The following SNX25 variants were observed in gnomAD, a reference collection of about 807,000 sequenced individuals.
SNX25 encodes sorting nexin 25.
SNX25 carries 62 observed loss-of-function variants against 113.7 expected under a neutral mutation model. The ratio of observed to expected loss-of-function variants is 0.55; its 90% CI spans 0.44 to 0.67. SNX25 has a LOEUF of 0.67. SNX25 is among the 30% of genes least tolerant of loss of function. The probability of loss-of-function intolerance (pLI) is 0.00; values close to 1 mark genes in which losing one functional copy is unlikely to be tolerated. For missense variants in SNX25, 1,014 were observed against 1,161.0 expected, an observed-to-expected ratio of 0.87 and a Z score of 1.84; for synonymous variants, 421 against 436.2, an observed-to-expected ratio of 0.97 and a Z score of 0.43.
At chr4:185,362,576 C>A in intron 17 of SNX25, 35 bp from the exon 18 acceptor site, 1 of 1,588,738 alleles carries the variant, frequency 6.3e-7, no homozygotes, top group South Asian at 1.1e-5. Flanking sequence ...AGCACTTTAT[C>A]AATAGCAGCA....
intron 1 of SNX25, among the ~76,000 whole-genome samples, chr4:185,239,015 C>G (rs931292626): frequency 1.3e-5 from 2 of 152,132 alleles, no homozygotes; most frequent in African/African-American, 4.8e-5. Flanking sequence ...CCTGGCTTCT[C>G]TCTAGATGTT....
intron 1 of SNX25, among the ~76,000 whole-genome samples, chr4:185,212,026 T>G (rs1289886777): frequency 6.6e-6 from 1 of 152,174 alleles, no homozygotes; most frequent in Non-Finnish European, 1.5e-5. Context: ...TGTATAAATC[T>G]CTCATGAATA....
At chr4:185,297,100 T>A (rs1347676418) in intron 6 of SNX25, among the ~76,000 whole-genome samples, 1 of 152,204 alleles carries the variant, frequency 6.6e-6, no homozygotes, top group Non-Finnish European at 1.5e-5. Context: ...TTTTAAATGT[T>A]GGAGTTCTTC....
chr4:185,330,000 G>A (rs1579812308), intron 9 of SNX25, among the ~76,000 whole-genome samples: 1 of 152,066 alleles, frequency 6.6e-6, no homozygotes, highest in Non-Finnish European at 1.5e-5. Context: ...ACCCATCCTG[G>A]GTATCAGCAT....
intron 13 of SNX25, among the ~76,000 whole-genome samples, chr4:185,348,754 T>C (rs1450371247): frequency 6.6e-6 from 1 of 152,188 alleles, no homozygotes; most frequent in Non-Finnish European, 1.5e-5. Context: ...AGCTCCTTTT[T>C]GATATATAAT....
chr4:185,324,518 G>A (rs1366951285), intron 9 of SNX25, among the ~76,000 whole-genome samples: 1 of 151,950 alleles, frequency 6.6e-6, no homozygotes, highest in Non-Finnish European at 1.5e-5. Context: ...TTTATTGCAA[G>A]GTTGGAATGT....
intron 5 of SNX25, among the ~76,000 whole-genome samples, chr4:185,281,868 T>C (rs116457612): frequency 0.022 from 3,294 of 151,826 alleles, 115 homozygotes; most frequent in African/African-American, 0.072. Flanking sequence ...ATACAAAAAT[T>C]AGCCGGGTAT....
chr4:185,350,021 G>C (rs1227741983), intron 13 of SNX25, among the ~76,000 whole-genome samples: 1 of 152,220 alleles, frequency 6.6e-6, no homozygotes, highest in Admixed American at 6.5e-5. Context: ...GCAGGGTTCA[G>C]GGACAGGGAG....
chr4:185,331,616 A>G (rs1295028215), intron 9 of SNX25, among the ~76,000 whole-genome samples: 1 of 152,120 alleles, frequency 6.6e-6, no homozygotes, highest in Admixed American at 6.6e-5. Flanking sequence ...CCCTGTCTCT[A>G]CTAAAAATAC....
chr4:185,251,495 C>CT (rs1241645411), intron 2 of SNX25, among the ~76,000 whole-genome samples: 1 of 151,892 alleles, frequency 6.6e-6, no homozygotes, highest in Non-Finnish European at 1.5e-5. Flanking sequence ...TAGTATTTGT[C>CT]TTTTTGTGTT....
chr4:185,286,699 G>A (rs1386832616), intron 5 of SNX25, among the ~76,000 whole-genome samples: 1 of 152,202 alleles, frequency 6.6e-6, no homozygotes, highest in African/African-American at 2.4e-5. Context: ...ACTTAACAAG[G>A]AAGGAAGGGA....
At chr4:185,353,075 TA>T (rs149360384) in intron 14 of SNX25, 1 of 159,640 alleles carries the variant, frequency 6.3e-6, no homozygotes, top group Non-Finnish European at 1.4e-5. Flanking sequence ...GTCACAGCTT[TA>T]AAAATAACTA....
In SNX25 at chr4:185,351,616, C is replaced by G. The variant is rs766280630; in HGVS notation, c.2466+7C>G. 8 of 1,613,018 alleles carry G rather than the reference C, an allele frequency of 5.0e-6. No homozygotes were observed. The highest frequency in any genetic ancestry group is 5.1e-6 in the Non-Finnish European group (6 of 1,179,594). ...CTTCTTCTCCCACCAGGAGGTGAGC[C>G]GTTGAAAGAGTGAACCACTTTTGTA... On this transcript the variant is annotated splice_region_variant and intron_variant, in intron 14 of 18. Transcript: ENST00000652585.
At chr4:185,325,890 T>C (rs753532487) in intron 9 of SNX25, among the ~76,000 whole-genome samples, 4 of 152,174 alleles carry the variant, frequency 2.6e-5, no homozygotes, top group Non-Finnish European at 4.4e-5. Flanking sequence ...TCCAAGGGCT[T>C]TATTGGCTTC....
chr4:185,304,737 C>T (rs1315409858), intron 6 of SNX25, among the ~76,000 whole-genome samples: 1 of 152,206 alleles, frequency 6.6e-6, no homozygotes, highest in Non-Finnish European at 1.5e-5. Context: ...CATCCTCCCA[C>T]TTCAGCCCTG....
At chr4:185,303,658 C>CA (rs34378168) in intron 6 of SNX25, among the ~76,000 whole-genome samples, 5,131 of 49,108 alleles carry the variant, frequency 0.1, 267 homozygotes, top group East Asian at 0.18. Flanking sequence ...GACTCTGTCT[C>CA]AAAAAAAAAA....
intron 1 of SNX25, among the ~76,000 whole-genome samples, chr4:185,224,442 TATAA>T (rs1196629899): frequency 1.5e-5 from 1 of 66,086 alleles, no homozygotes; most frequent in Non-Finnish European, 3.0e-5. Context: ...TATATAGATA[TATAA>T]ATATATATAT....
chr4:185,213,933 A>G (rs1579305182), intron 1 of SNX25, among the ~76,000 whole-genome samples: 1 of 148,522 alleles, frequency 6.7e-6, no homozygotes, highest in African/African-American at 2.5e-5. Context: ...GTGGTTTACT[A>G]GATCCTTTTT....
the SNX25 span, chr4:185,376,794 TA>T: frequency 1.5e-6 from 1 of 688,996 alleles, no homozygotes; most frequent in African/African-American, 1.8e-5. Context: ...ATAGTCGATG[TA>T]ATTGGACAGA....
Sources: allele counts gnomAD v4.1 joint callset (sites outside exome capture counted in the v4.1 genomes callset), GRCh38; gene constraint gnomAD v4.1.1; transcripts MANE v1.5; gene names NCBI Gene and HGNC (gene_info 2026-07-23, HGNC 2026-07-21).